The following ZC3H4 variants were observed in gnomAD, a reference collection of about 807,000 sequenced individuals.
The protein encoded by ZC3H4 is zinc finger CCCH domain-containing protein 4.
Under a neutral mutation model 108.3 loss-of-function variants are expected in ZC3H4, and 13 were observed. That is an observed-to-expected ratio of 0.12 (90% CI 0.08 to 0.19). The LOEUF (loss-of-function observed/expected upper bound fraction) is 0.19, where lower values mean the gene tolerates loss of function less well. Ranked by LOEUF, ZC3H4 falls within the 10% of genes least tolerant of loss-of-function variation. The pLI is 1.00. For synonymous variants in ZC3H4, 917 were observed against 749.6 expected (o/e 1.22, Z -3.65); for missense variants, 1,734 against 1,838.8 (o/e 0.94, Z 1.04).
At chr19:47,092,673 C>T (rs1391200463) in intron 4 of ZC3H4, among the ~76,000 whole-genome samples, 4 of 151,942 alleles carry the variant, frequency 2.6e-5, no homozygotes, top group African/African-American at 4.8e-5. Context: ...AAAAATCAGC[C>T]GGGCAAGGTG....
In ZC3H4 at chr19:47,086,417, C is replaced by A; in HGVS notation, c.837G>T (p.Glu279Asp). ...GRGSMGGDHP[E>D]DEEDFYEEEM... ...CTTCCTCGTAGAAATCCTCTTCATC[C>A]TCCGGGTGGTCTCCTCCCATAGAGC... The change falls in exon 6 of 15, where the codon GAG becomes GAT. Residue 279 changes from glutamate (E) to aspartate (D), a missense_variant. Physicochemically the swap from Glu to Asp is conservative, Grantham distance 45. This residue lies in a region of ZC3H4 where 403 missense variants were observed against 457.0 expected (regional missense o/e 0.88). Coordinates refer to ENST00000253048, the MANE Select transcript of ZC3H4 (RefSeq NM_015168.2). The A allele has an allele frequency of 6.2e-7, 1 of 1,613,596 alleles. No individual in the cohort carries two copies. The highest frequency in any genetic ancestry group is 1.1e-5 in the South Asian group (1 of 91,032).
chr19:47,091,710 AC>A (rs780824654), intron 4 of ZC3H4, among the ~76,000 whole-genome samples: 3 of 150,316 alleles, frequency 2.0e-5, no homozygotes, highest in Non-Finnish European at 3.0e-5. Flanking sequence ...ACATAGTGAA[AC>A]CCCGTCTCTA....
At position 47,094,417 on chromosome 19, in the gene ZC3H4, G is replaced by C; in HGVS notation, c.353C>G (p.Ser118Trp). 3 of 1,614,052 alleles carry C rather than the reference G, an allele frequency of 1.9e-6. No homozygotes were observed. Reference protein sequence around the residue: ...KKEREKEKRRSKKRRKSKHKR... With the variant: ...KKEREKEKRRWKKRRKSKHKR... Reference sequence around the variant, plus strand: ...GTGCTTGGATTTCCTCCTCTTCTTCGACCTCCTTTTCTCTTTCTCCCGCTC... The same window carrying C: ...GTGCTTGGATTTCCTCCTCTTCTTCCACCTCCTTTTCTCTTTCTCCCGCTC... The change falls in exon 3 of 15, where the codon TCG becomes TGG. Residue 118 changes from serine to tryptophan, a missense_variant. Ser to Trp is a radical substitution (Grantham distance 177). Coordinates refer to ENST00000253048, the MANE Select transcript of ZC3H4 (RefSeq NM_015168.2).
At position 47,090,061 on chromosome 19, in the gene ZC3H4, G is replaced by A. The variant is rs145448897; in HGVS notation, c.621C>T (p.Asp207=). The A allele has an allele frequency of 4.0e-5, 64 of 1,614,138 alleles. No homozygotes were observed. Among genetic ancestry groups the A allele is most frequent in the Middle Eastern group, 3.3e-4 (2 of 6,062 alleles). ...CCTCCTTGCCCATGTCCTCCTCCTC[G>A]TCGCCCTCATATTCCCCATACTGCT... ...ENEQYGEYEG[D]EEEDMGKEDY... Residue 207 remains aspartate, a synonymous_variant, in exon 5 of 15, where the codon GAC becomes GAT. Transcript: ENST00000253048.
chr19:47,067,629 G>A lies in ZC3H4; in HGVS notation c.2639C>T (p.Ser880Phe), dbSNP rs1568527692. 4.4e-6 allele frequency: 7 copies of A among 1,604,392 alleles called. No individual in the cohort carries two copies. The highest frequency in any genetic ancestry group is 2.2e-5 in the South Asian group (2 of 90,530). ...LTRHVEASGGSGPGDSGPSDP... is the reference protein window; with the variant it reads ...LTRHVEASGGFGPGDSGPSDP... ...GGAGGGTCCCGAATCACCTGGGCCA[G>A]ACCCGCCAGAAGCCTCCACATGGCG... The change falls in exon 15 of 15, where the codon TCT becomes TTT. Residue 880 changes from serine to phenylalanine, a missense_variant. Ser to Phe is a radical substitution (Grantham distance 155). Transcript: ENST00000253048. This position sits in a 1 kb window ranked among gnomAD's most constrained non-coding sequence, Gnocchi z 6.4.
In ZC3H4 at chr19:47,068,590, C is replaced by T. The variant is rs547276192; in HGVS notation, c.2398+502G>A. Among the ~76,000 whole-genome samples, 9 of 152,296 alleles carry T rather than the reference C, an allele frequency of 5.9e-5. No individual in the cohort carries two copies. The South Asian group carries it at 1.0e-3, about 18-fold the overall frequency. On this transcript the variant is annotated intron_variant, in intron 14 of 14. Coordinates refer to ENST00000253048, the MANE Select transcript of ZC3H4 (RefSeq NM_015168.2). ...GGCTCCTGCGCTACAGTCAGGGCCA[C>T]CTGTGGCCTCTGGCTTCAGGATCTA...
At chr19:47,096,735 G>C in intron 2 of ZC3H4, 1 of 903,470 alleles carries the variant, frequency 1.1e-6, no homozygotes, top group South Asian at 5.1e-5. Flanking sequence ...ATAAAGCTGA[G>C]AGGGACATGA....
chr19:47,091,844 G>T lies in ZC3H4; in HGVS notation c.493-1655C>A, dbSNP rs922491245. 4.6e-5 allele frequency among the ~76,000 whole-genome samples: 7 copies of T among 152,164 alleles called. No individual in the cohort carries two copies. In the South Asian group the frequency reaches 1.5e-3, roughly 32 times the overall value. ...GGAGGCGGAGGTTGCAGTGAGCCGA[G>T]ATTGTGCCACTGCACTCCAGCTTGG... is the stretch of plus-strand genomic sequence containing the variant. On this transcript the variant is annotated intron_variant, in intron 4 of 14. Coordinates refer to ENST00000253048, the MANE Select transcript of ZC3H4 (RefSeq NM_015168.2).
chr19:47,106,356 G>A (rs1277016747), intron 2 of ZC3H4, among the ~76,000 whole-genome samples: 1 of 152,174 alleles, frequency 6.6e-6, no homozygotes, highest in Non-Finnish European at 1.5e-5. Context: ...CTGAGGTGGA[G>A]GATCATTGAA....
chr19:47,088,199 G>A (rs1454077721), intron 5 of ZC3H4, among the ~76,000 whole-genome samples: 1 of 151,654 alleles, frequency 6.6e-6, no homozygotes, highest in African/African-American at 2.4e-5. Context: ...AAATAAGCTG[G>A]GTGTGGTGGC....
rs1433284621 is a variant in ZC3H4 at position 47,094,372 on chromosome 19, G to A, written c.381+17C>T. Reference sequence around the variant, plus strand: ...CCAATGCCAGGCAGTGGCAGTCCCAGGGGATCTCCGACCTACTTTGTGCTT... The same window carrying A: ...CCAATGCCAGGCAGTGGCAGTCCCAAGGGATCTCCGACCTACTTTGTGCTT... On this transcript the variant is annotated intron_variant, in intron 3 of 14. Coordinates refer to ENST00000253048, the MANE Select transcript of ZC3H4 (RefSeq NM_015168.2). 3 of 1,613,218 alleles carry A rather than the reference G, an allele frequency of 1.9e-6. No individual in the cohort carries two copies. The highest frequency in any genetic ancestry group is 1.1e-5 in the South Asian group (1 of 91,068).
intron 5 of ZC3H4, among the ~76,000 whole-genome samples, chr19:47,087,437 T>TA (rs34358015): frequency 0.52 from 77,690 of 148,554 alleles, 23,436 homozygotes; most frequent in Non-Finnish European, 0.71. Flanking sequence ...TTTCTTCACT[T>TA]AAAAAAAAAA....
At chr19:47,080,333 G>C (rs1449974336) in intron 11 of ZC3H4, among the ~76,000 whole-genome samples, 1 of 152,184 alleles carries the variant, frequency 6.6e-6, no homozygotes, top group African/African-American at 2.4e-5. Context: ...CACCTGGCTA[G>C]TGGGGAAGCC....
At chr19:47,099,459 CAAA>C (rs1163189126) in intron 2 of ZC3H4, among the ~76,000 whole-genome samples, 1 of 127,686 alleles carries the variant, frequency 7.8e-6, no homozygotes. Context: ...AACTCCGTCT[CAAA>C]AAAAAAAAAA....
intron 5 of ZC3H4, among the ~76,000 whole-genome samples, chr19:47,087,766 G>A (rs149888032): frequency 0.011 from 1,671 of 152,086 alleles, 34 homozygotes; most frequent in African/African-American, 0.038. Flanking sequence ...CCCAGCTACT[G>A]GAGAGGCTAA....
chr19:47,077,697 AAC>A (rs1312473628), intron 11 of ZC3H4, among the ~76,000 whole-genome samples: 7 of 152,000 alleles, frequency 4.6e-5, no homozygotes, highest in Non-Finnish European at 8.8e-5. Context: ...CCCTACTAAA[AAC>A]ACAAAAAATG....
chr19:47,066,165 T>C lies in ZC3H4; in HGVS notation c.*191A>G, dbSNP rs2057189807. On this transcript the variant is annotated 3_prime_UTR_variant, in exon 15 of 15. Transcript: ENST00000253048. ...CCACACTGACCAGAACTTAAGATGG[T>C]TATATACAATTTACAAATCTCAAAG... is the stretch of plus-strand genomic sequence containing the variant. The C allele has an allele frequency of 2.0e-6, 1 of 510,062 alleles. No individual in the cohort carries two copies. Among genetic ancestry groups the C allele is most frequent in the African/African-American group, 2.0e-5 (1 of 50,158 alleles). 31.6% of individuals were successfully genotyped at this position (510,062 alleles called of 1,614,324 possible). A position where few individuals can be genotyped will look rare whatever the true frequency, so the allele number is the denominator to read the frequency against.
chr19:47,065,167 G>C lies in ZC3H4; in HGVS notation c.*1189C>G, dbSNP rs937582920. Reference sequence around the variant, plus strand: ...GCCCTCAGCCAGGGTGGGAGCATGGGGGGAGCAGAGGCTCCCCATCCCCTG... The same window carrying C: ...GCCCTCAGCCAGGGTGGGAGCATGGCGGGAGCAGAGGCTCCCCATCCCCTG... On this transcript the variant is annotated 3_prime_UTR_variant, in exon 15 of 15. Coordinates refer to ENST00000253048, the MANE Select transcript of ZC3H4 (RefSeq NM_015168.2). 1 of 152,232 alleles carries C rather than the reference G, an allele frequency of 6.6e-6. No homozygotes were observed. The highest frequency in any genetic ancestry group is 1.5e-5 in the Non-Finnish European group (1 of 68,070). 9.4% of individuals were successfully genotyped at this position (152,232 alleles called of 1,614,324 possible).
chr19:47,081,722 G>A lies in ZC3H4; in HGVS notation c.1331-100C>T, dbSNP rs539435304. ...CCAGCTCCCTTTGTTTTGGAGATAAGAAATCTGAGCCCAGAGAGGTGAGGC... is the reference window on the plus strand; with the variant it reads ...CCAGCTCCCTTTGTTTTGGAGATAAAAAATCTGAGCCCAGAGAGGTGAGGC... On this transcript the variant is annotated intron_variant, in intron 10 of 14. Transcript: ENST00000253048. 2.8e-6 allele frequency: 3 copies of A among 1,071,122 alleles called. No homozygotes were observed. In the East Asian group the frequency reaches 7.3e-5, roughly 26 times the overall value. The allele number at this position is 1,071,122 out of a possible 1,614,324, so 66.4% of individuals were successfully genotyped here. A position where few individuals can be genotyped will look rare whatever the true frequency, so the allele number is the denominator to read the frequency against.
Sources: allele counts gnomAD v4.1 joint callset (sites outside exome capture counted in the v4.1 genomes callset), GRCh38; gene constraint gnomAD v4.1.1; regional missense constraint gnomAD v4.1.1; non-coding constraint Gnocchi (gnomAD v3.1); transcripts MANE v1.5; gene names NCBI Gene and HGNC (gene_info 2026-07-23, HGNC 2026-07-21).